N4BP2L2: variants seen among roughly 807,000 people sequenced by gnomAD.
The protein encoded by N4BP2L2 is NEDD4 binding protein 2 like 2.
N4BP2L2 carries 50 observed loss-of-function variants against 56.2 expected under a neutral mutation model. That is an observed-to-expected ratio of 0.89 (90% confidence interval 0.71 to 1.13). N4BP2L2 has a LOEUF of 1.13. N4BP2L2 is among the 50% of genes most tolerant of loss of function. N4BP2L2 has a pLI of 0.00. For missense variants in N4BP2L2, 689 were observed against 693.8 expected (o/e 0.99, Z 0.08); for synonymous variants, 203 against 223.6 (o/e 0.91, Z 0.82).
chr13:32,519,663 T>C (rs1387635398), intron 5 of N4BP2L2, among the ~76,000 whole-genome samples: 1 of 151,082 alleles, frequency 6.6e-6, no homozygotes, highest in Non-Finnish European at 1.5e-5. Flanking sequence ...AAAATAAAAA[T>C]AAAAAAAGAT....
chr13:32,483,971 C>T (rs1488298955), intron 6 of N4BP2L2, among the ~76,000 whole-genome samples: 16 of 135,670 alleles, frequency 1.2e-4, no homozygotes, highest in South Asian at 9.1e-4. Context: ...GCAACAAGAG[C>T]GAAACTCCAT....
intron 6 of N4BP2L2, chr13:32,446,280 G>A: frequency 1.0e-6 from 1 of 981,376 alleles, no homozygotes; most frequent in Non-Finnish European, 1.4e-6. Flanking sequence ...AGAAACAGTT[G>A]TGATGGGGCC....
exon 6 of N4BP2L2, chr13:32,517,006 AC>A (rs766792160): frequency 5.1e-5 from 49 of 970,020 alleles, no homozygotes; most frequent in Non-Finnish European, 6.0e-5. Flanking sequence ...ATTCTATAGT[AC>A]AAATCCTCTT....
At chr13:32,536,652 G>A (rs1252756225) in exon 2 of N4BP2L2, 2 of 1,613,746 alleles carry the variant, frequency 1.2e-6, no homozygotes, top group South Asian at 1.1e-5. Context: ...TTGTAAATGG[G>A]TCCTATAAAT....
At chr13:32,486,843 C>G (rs540978237) in intron 6 of N4BP2L2, among the ~76,000 whole-genome samples, 3 of 151,616 alleles carry the variant, frequency 2.0e-5, no homozygotes. Context: ...ACTAAAAATA[C>G]AAAAAATTAG....
chr13:32,530,889 T>TAAAAA (rs3075024), intron 2 of N4BP2L2, among the ~76,000 whole-genome samples: 2 of 130,378 alleles, frequency 1.5e-5, no homozygotes, highest in African/African-American at 2.8e-5. Context: ...CGGAGATTAC[T>TAAAAA]AAAAAAAAAA....
chr13:32,524,617 T>G (rs951227671), intron 3 of N4BP2L2: 1 of 152,238 alleles, frequency 6.6e-6, no homozygotes, highest in African/African-American at 2.4e-5. Flanking sequence ...CAGATTTTCA[T>G]AGAATGGTGC....
intron 8 of N4BP2L2, among the ~76,000 whole-genome samples, chr13:32,437,074 G>C (rs1009568081): frequency 1.3e-5 from 2 of 151,792 alleles, no homozygotes; most frequent in Non-Finnish European, 2.9e-5. Flanking sequence ...GTAGAGACAG[G>C]GTTTCACTAT....
At chr13:32,482,201 C>T (rs1468913009) in intron 6 of N4BP2L2, among the ~76,000 whole-genome samples, 1 of 152,162 alleles carries the variant, frequency 6.6e-6, no homozygotes, top group Admixed American at 6.6e-5. Flanking sequence ...GTGATCAATA[C>T]TTATCTGTTA....
exon 7 of N4BP2L2, chr13:32,444,029 T>G: frequency 1.2e-6 from 2 of 1,609,832 alleles, no homozygotes; most frequent in Non-Finnish European, 1.7e-6. Flanking sequence ...TTTTCCTCCA[T>G]GATTCTATTC....
rs547383506 is a variant in N4BP2L2, at chr13:32,523,007, G to A, written c.1385-737C>T. 4 of 152,248 alleles carry A rather than the reference G, an allele frequency of 2.6e-5. No individual in the cohort carries two copies. The East Asian group carries it at 5.8e-4, about 22-fold the overall frequency. The allele number at this position is 152,248 out of a possible 1,614,324, so 9.4% of individuals were successfully genotyped here. ...CTTTGTGGATATTTCTTAGAACTAT[G>A]GTCCTCAAATTGTGAGTTGCTGTAG... On this transcript the variant is annotated intron_variant, in intron 3 of 5. Coordinates refer to ENST00000267068, the Ensembl canonical transcript of N4BP2L2.
At chr13:32,480,506 A>ATTGTTG in intron 6 of N4BP2L2, 5 of 747,802 alleles carry the variant, frequency 6.7e-6, no homozygotes, top group Non-Finnish European at 9.7e-6. Context: ...CTTCAACAAT[A>ATTGTTG]AAGAGACTTT....
chr13:32,459,782 G>A (rs562585250), intron 6 of N4BP2L2, among the ~76,000 whole-genome samples: 1 of 152,148 alleles, frequency 6.6e-6, no homozygotes, highest in South Asian at 2.1e-4. Context: ...ATGAAGAGGA[G>A]GGAATTGTCC....
At chr13:32,491,397 A>T (rs894371461) in intron 6 of N4BP2L2, among the ~76,000 whole-genome samples, 38 of 151,998 alleles carry the variant, frequency 2.5e-4, no homozygotes, top group African/African-American at 9.2e-4. Context: ...ATGTGGATGT[A>T]GAAAAATTCT....
exon 7 of N4BP2L2, chr13:32,442,640 C>T (rs748513121): frequency 1.2e-6 from 2 of 1,613,838 alleles, no homozygotes; most frequent in Non-Finnish European, 1.7e-6. Flanking sequence ...ATAAACCCTG[C>T]ATCATTTAGT....
At chr13:32,439,040 ATC>A (rs1408409151) in intron 7 of N4BP2L2, among the ~76,000 whole-genome samples, 1 of 152,190 alleles carries the variant, frequency 6.6e-6, no homozygotes, top group Non-Finnish European at 1.5e-5. Flanking sequence ...TTTTCTCTTT[ATC>A]TCTTTCAAGT....
chr13:32,522,310 A>C (rs376068574), intron 3 of N4BP2L2, 40 bp from the exon 4 acceptor site: 99 of 1,283,220 alleles, frequency 7.7e-5, no homozygotes, highest in Non-Finnish European at 9.8e-5. Context: ...AAAACAAATT[A>C]GGTTAAAACA....
chr13:32,449,652 T>C (rs1309659801), intron 6 of N4BP2L2, among the ~76,000 whole-genome samples: 1 of 152,254 alleles, frequency 6.6e-6, no homozygotes, highest in African/African-American at 2.4e-5. Flanking sequence ...AGGGCTTTAA[T>C]TATAAATAAA....
rs2053287784 is a variant in N4BP2L2, at chr13:32,527,260, C to T, written c.1384+148G>A. 7 of 790,092 alleles carry T rather than the reference C, an allele frequency of 8.9e-6. No individual in the cohort carries two copies. The South Asian group carries it at 9.9e-5, about 11-fold the overall frequency. The allele number at this position is 790,092 out of a possible 1,614,324, so 48.9% of individuals were successfully genotyped here. A position where few individuals can be genotyped will look rare whatever the true frequency, so the allele number is the denominator to read the frequency against. Reference sequence around the variant, plus strand: ...AGGGCAAGTATAATTATCACCACCTCTAACAGATGGAGAAATTAGGTCTCA... The same window carrying T: ...AGGGCAAGTATAATTATCACCACCTTTAACAGATGGAGAAATTAGGTCTCA... On this transcript the variant is annotated intron_variant, in intron 3 of 5. Coordinates refer to ENST00000267068, the Ensembl canonical transcript of N4BP2L2.
Sources: gnomAD v4.1 joint callset for allele counts (sites outside exome capture counted in the v4.1 genomes callset) on GRCh38, gnomAD v4.1.1 for gene constraint, MANE v1.5 for transcripts, NCBI Gene and HGNC (gene_info 2026-07-23, HGNC 2026-07-21) for gene names.